RIPPLY3: variants seen among roughly 807,000 people sequenced by gnomAD.
RIPPLY3 encodes the protein ripply transcriptional repressor 3.
RIPPLY3 carries 8 observed loss-of-function variants against 11.9 expected under a neutral mutation model. The observed-to-expected ratio is 0.67, with a 90% CI of 0.40 to 1.21. The LOEUF is 1.21. Among genes scored for constraint, RIPPLY3 ranks in the 50% most tolerant of loss-of-function variants. The pLI is 0.01. For synonymous variants in RIPPLY3, 102 were observed against 99.0 expected (o/e 1.03, Z -0.18); for missense variants, 271 against 246.0 (o/e 1.10, Z -0.68).
In RIPPLY3 at chr21:37,018,253, G is replaced by A. The variant is rs757582334; in HGVS notation, c.*46G>A. ...CCCTGCTCTGGGACCTGCCCCTCAC[G>A]TTCTCTTGGGGACACCCGAGCCAGG... is the stretch of plus-strand genomic sequence containing the variant. On this transcript the variant is annotated 3_prime_UTR_variant, in exon 4 of 4. Coordinates refer to ENST00000329553, the MANE Select transcript of RIPPLY3 (RefSeq NM_018962.3). 51 of 1,522,454 alleles carry A rather than the reference G, an allele frequency of 3.3e-5. No individual in the cohort carries two copies. The highest frequency in any genetic ancestry group is 1.8e-4 in the Admixed American group (11 of 59,594). 94.3% of individuals were successfully genotyped at this position (1,522,454 alleles called of 1,614,324 possible).
chr21:37,013,580 T>G lies in RIPPLY3; in HGVS notation c.201T>G (p.Phe67Leu), dbSNP rs753716995. 1.2e-6 allele frequency: 2 copies of G among 1,613,856 alleles called. No homozygotes were observed. The highest frequency in any genetic ancestry group is 1.7e-6 in the Non-Finnish European group (2 of 1,179,794). ...PLEPRADQHT[F>L]GSKGAFGFQH... ...AACCTAGGGCTGACCAACACACTTTTGGATCAAAGGGAGCCTTTGGGTTTC... is the reference window on the plus strand; with the variant it reads ...AACCTAGGGCTGACCAACACACTTTGGGATCAAAGGGAGCCTTTGGGTTTC... Residue 67 changes from phenylalanine (F) to leucine (L), a missense_variant, in exon 3 of 4, where the codon TTT becomes TTG. By Grantham distance (22) the Phe-to-Leu change is conservative. Coordinates refer to ENST00000329553, the MANE Select transcript of RIPPLY3 (RefSeq NM_018962.3).
At chr21:37,011,295 A>G (rs2069519398) in intron 2 of RIPPLY3, among the ~76,000 whole-genome samples, 1 of 152,226 alleles carries the variant, frequency 6.6e-6, no homozygotes, top group African/African-American at 2.4e-5. Context: ...GGCGTGAGCC[A>G]CTGCGCCCTG....
chr21:37,016,281 C>T (rs2069577407), intron 3 of RIPPLY3, among the ~76,000 whole-genome samples: 2 of 152,230 alleles, frequency 1.3e-5, no homozygotes. Context: ...ATGTCAGTAG[C>T]TTACCCTCCA....
chr21:37,011,473 G>A (rs2069521139), intron 2 of RIPPLY3, among the ~76,000 whole-genome samples: 1 of 152,212 alleles, frequency 6.6e-6, no homozygotes. Context: ...CTGATCGCAG[G>A]GCGCCAAATA....
At chr21:37,011,883 C>A (rs113110490) in intron 2 of RIPPLY3, among the ~76,000 whole-genome samples, 3,901 of 135,886 alleles carry the variant, frequency 0.029, 88 homozygotes, top group African/African-American at 0.069. Flanking sequence ...GAGCCGAGAT[C>A]GCACCACTGC....
In RIPPLY3 at chr21:37,018,349, C is replaced by A; in HGVS notation, c.*142C>A. 1 of 651,350 alleles carries A rather than the reference C, an allele frequency of 1.5e-6. No individual in the cohort carries two copies. The highest frequency in any genetic ancestry group is 2.6e-6 in the Non-Finnish European group (1 of 380,258). 40.3% of individuals were successfully genotyped at this position (651,350 alleles called of 1,614,324 possible). Reference sequence around the variant, plus strand: ...GGCAGCCCCTGGCCTGCACACTACTCATGACAGAAAGTCAGCTTTTACTTT... The same window carrying A: ...GGCAGCCCCTGGCCTGCACACTACTAATGACAGAAAGTCAGCTTTTACTTT... On this transcript the variant is annotated 3_prime_UTR_variant, in exon 4 of 4. Transcript: ENST00000329553.
At chr21:37,012,196 C>T (rs1201404198) in intron 2 of RIPPLY3, among the ~76,000 whole-genome samples, 1 of 146,542 alleles carries the variant, frequency 6.8e-6, no homozygotes, top group East Asian at 2.0e-4. Context: ...CTGCCCCAGA[C>T]CATTTCCGCT....
rs1227042790 is a variant in RIPPLY3, at chr21:37,018,618, T to C, written c.*411T>C. 1 of 165,242 alleles carries C rather than the reference T, an allele frequency of 6.1e-6. No individual in the cohort carries two copies. The highest frequency in any genetic ancestry group is 1.3e-5 in the Non-Finnish European group (1 of 76,732). The allele number at this position is 165,242 out of a possible 1,614,324, so 10.2% of individuals were successfully genotyped here. A position where few individuals can be genotyped will look rare whatever the true frequency, so the allele number is the denominator to read the frequency against. On this transcript the variant is annotated 3_prime_UTR_variant, in exon 4 of 4. Transcript: ENST00000329553. ...TGCTTTTGTAAAAATAATTCAGATATTAAACTCCAATTTTAATCTATCATC... is the reference window on the plus strand; with the variant it reads ...TGCTTTTGTAAAAATAATTCAGATACTAAACTCCAATTTTAATCTATCATC...
intron 2 of RIPPLY3, among the ~76,000 whole-genome samples, chr21:37,012,370 T>G (rs936890486): frequency 2.0e-5 from 3 of 152,030 alleles, no homozygotes; most frequent in Non-Finnish European, 4.4e-5. Context: ...CCCGAGTAGT[T>G]GGGACTACAG....
intron 2 of RIPPLY3, among the ~76,000 whole-genome samples, chr21:37,009,131 T>A (rs1389209207): frequency 6.6e-6 from 1 of 152,214 alleles, no homozygotes; most frequent in Non-Finnish European, 1.5e-5. Context: ...TACTCTGCAT[T>A]GGTAACTCAG....
At position 37,018,137 on chromosome 21, in the gene RIPPLY3, A is replaced by T. The variant is rs1240933256; in HGVS notation, c.503A>T (p.Asp168Val). The T allele has an allele frequency of 6.2e-7, 1 of 1,613,984 alleles. No homozygotes were observed. The highest frequency in any genetic ancestry group is 1.1e-5 in the South Asian group (1 of 91,078). ...GGGCAGCGATCCTCAGGAGGGGGTGACCACTGGGGGGAGGGTCCGCTCCCT... is the reference window on the plus strand; with the variant it reads ...GGGCAGCGATCCTCAGGAGGGGGTGTCCACTGGGGGGAGGGTCCGCTCCCT... ...NQGQRSSGGGDHWGEGPLPQG... is the reference protein window; with the variant it reads ...NQGQRSSGGGVHWGEGPLPQG... Residue 168 changes from aspartate to valine, a missense_variant, in exon 4 of 4, where the codon GAC (aspartate) becomes GTC (valine). Coordinates refer to ENST00000329553, the MANE Select transcript of RIPPLY3 (RefSeq NM_018962.3).
Position 37,008,213 on chromosome 21 carries a change from C to A in RIPPLY3, c.161C>A (p.Thr54Asn), listed in dbSNP as rs965532516. The A allele has an allele frequency of 6.8e-6, 11 of 1,614,158 alleles. No homozygotes were observed. Among genetic ancestry groups the A allele is most frequent in the Non-Finnish European group, 8.5e-6 (10 of 1,180,026 alleles). Reference sequence around the variant, plus strand: ...CCTGGAGATGCTGAGCTGACCAGAACTGGAAGGCCGGTAAGGTTCAGTGCG... The same window carrying A: ...CCTGGAGATGCTGAGCTGACCAGAAATGGAAGGCCGGTAAGGTTCAGTGCG... ...QTPGDAELTR[T>N]GRPLEPRADQ... Residue 54 changes from threonine (T) to asparagine (N), a missense_variant, in exon 2 of 4, where the codon ACT (threonine) becomes AAT (asparagine). Thr to Asn is a moderately conservative substitution (Grantham distance 65). Transcript: ENST00000329553.
intron 2 of RIPPLY3, among the ~76,000 whole-genome samples, chr21:37,012,695 C>T (rs1488736136): frequency 1.3e-5 from 2 of 152,050 alleles, no homozygotes; most frequent in African/African-American, 4.8e-5. Flanking sequence ...CTCCCTGACT[C>T]AAAAATCCAT....
Position 37,006,735 on chromosome 21 carries a change from C to A in RIPPLY3, c.-38C>A, listed in dbSNP as rs1281321037. 7.6e-6 allele frequency: 9 copies of A among 1,191,128 alleles called. No individual in the cohort carries two copies. Among genetic ancestry groups the A allele is most frequent in the Non-Finnish European group, 9.5e-6 (9 of 952,342 alleles). The allele number at this position is 1,191,128 out of a possible 1,614,324, so 73.8% of individuals were successfully genotyped here. ...GAGTGGATCTAGGCGCGCTCGTAGG[C>A]CGGCGCCGCAGCAAGGGGCGCGGGC... is the stretch of plus-strand genomic sequence containing the variant. On this transcript the variant is annotated 5_prime_UTR_variant, in exon 1 of 4. Coordinates refer to ENST00000329553, the MANE Select transcript of RIPPLY3 (RefSeq NM_018962.3). The surrounding 1 kb of genome is among the most constrained non-coding windows in gnomAD (Gnocchi z 5.2).
chr21:37,014,169 T>A (rs971473828), intron 3 of RIPPLY3, among the ~76,000 whole-genome samples: 3 of 151,722 alleles, frequency 2.0e-5, no homozygotes, highest in Admixed American at 2.0e-4. Flanking sequence ...ATACAAAAAA[T>A]TAGCTGGGCA....
At position 37,018,023 on chromosome 21, in the gene RIPPLY3, C is replaced by A. The variant is rs763619095; in HGVS notation, c.389C>A (p.Pro130His). 22 of 1,614,056 alleles carry A rather than the reference C, an allele frequency of 1.4e-5. No individual in the cohort carries two copies. The highest frequency in any genetic ancestry group is 1.8e-5 in the Non-Finnish European group (21 of 1,180,000). The part of the protein sequence containing the change: ...ASEAEEPEEG[P>H]PPLHLLPQEV... ...GAAGCTGAAGAGCCAGAGGAAGGAC[C>A]CCCACCCCTCCATCTTCTGCCCCAG... The change falls in exon 4 of 4, where the codon CCC (proline) becomes CAC (histidine). Residue 130 changes from proline to histidine, a missense_variant. Physicochemically the swap from Pro to His is moderately conservative, Grantham distance 77. Coordinates refer to ENST00000329553, the MANE Select transcript of RIPPLY3 (RefSeq NM_018962.3).
intron 2 of RIPPLY3, among the ~76,000 whole-genome samples, chr21:37,010,886 G>A (rs892271107): frequency 7.9e-5 from 12 of 152,144 alleles, no homozygotes; most frequent in Middle Eastern, 3.2e-3. Flanking sequence ...CAGTGCTTGC[G>A]TTGTGCACAT....
intron 2 of RIPPLY3, among the ~76,000 whole-genome samples, chr21:37,011,619 G>T (rs1317930313): frequency 1.3e-5 from 2 of 152,154 alleles, no homozygotes; most frequent in Non-Finnish European, 2.9e-5. Context: ...TTATGGAAAA[G>T]ATTTGGTTTC....
intron 3 of RIPPLY3, among the ~76,000 whole-genome samples, chr21:37,014,113 C>T (rs1318344334): frequency 2.0e-5 from 3 of 151,848 alleles, no homozygotes; most frequent in East Asian, 3.9e-4. Flanking sequence ...GTCAGGAGTT[C>T]GAGACCAGCC....
Sources: allele counts gnomAD v4.1 joint callset (sites outside exome capture counted in the v4.1 genomes callset), GRCh38; gene constraint gnomAD v4.1.1; non-coding constraint Gnocchi (gnomAD v3.1); transcripts MANE v1.5; gene names NCBI Gene and HGNC (gene_info 2026-07-23, HGNC 2026-07-21).